The following RSAD2 variants were observed in gnomAD, a reference collection of about 807,000 sequenced individuals.
RSAD2 encodes radical S-adenosyl methionine domain containing 2.
In RSAD2, 38 loss-of-function variants were observed where a neutral mutation model predicts 37.7. That is an observed-to-expected ratio of 1.01 (90% CI 0.78 to 1.32). The LOEUF (loss-of-function observed/expected upper bound fraction) is 1.32. Ranked by LOEUF, RSAD2 falls within the 40% of genes most tolerant of loss-of-function variation. The probability of loss-of-function intolerance (pLI) is 0.00; values close to 1 mark genes in which losing one functional copy is unlikely to be tolerated. For synonymous variants in RSAD2, 163 were observed against 157.4 expected, an observed-to-expected ratio of 1.04 and a Z score of -0.27; for missense variants, 428 against 437.5, an observed-to-expected ratio of 0.98 and a Z score of 0.19.
At chr2:6,883,286 T>G in intron 1 of RSAD2, 85 bp from the exon 2 acceptor site, 1 of 1,447,276 alleles carries the variant, frequency 6.9e-7, no homozygotes. Context: ...ATTTCTTTTT[T>G]TTACATTGAG....
upstream of RSAD2, among the ~76,000 whole-genome samples, chr2:6,873,150 T>G (rs531438231): frequency 3.3e-5 from 5 of 152,186 alleles, no homozygotes; most frequent in Non-Finnish European, 7.4e-5. Flanking sequence ...CATGGCCTGA[T>G]GCTAAGATGT....
chr2:6,880,955 A>G lies in RSAD2; in HGVS notation c.347-2416A>G, dbSNP rs548759217. 5.3e-5 allele frequency among the ~76,000 whole-genome samples: 8 copies of G among 152,284 alleles called. No individual in the cohort carries two copies. In the South Asian group the frequency reaches 1.7e-3, roughly 32 times the overall value. ...GAAAGACTGAATAGAATTAAAAATA[A>G]TGAGCATCAGATCTGGGCTGTAATA... On this transcript the variant is annotated intron_variant, in intron 1 of 5. Transcript: ENST00000382040.
chr2:6,866,462 T>C, intron 1 of RSAD2: 7 of 985,716 alleles, frequency 7.1e-6, no homozygotes, highest in Non-Finnish European at 8.4e-6. Context: ...GGAATTGCCC[T>C]CTCCCTTTTG....
chr2:6,870,640 G>A (rs1462034814), intron 1 of RSAD2, among the ~76,000 whole-genome samples: 1 of 152,136 alleles, frequency 6.6e-6, no homozygotes. Context: ...ACTGCAAAGG[G>A]GAAATTTCCT....
chr2:6,888,072 G>A (rs1462931485), intron 3 of RSAD2, among the ~76,000 whole-genome samples: 1 of 152,218 alleles, frequency 6.6e-6, no homozygotes, highest in Non-Finnish European at 1.5e-5. Flanking sequence ...ATTTTCGTAG[G>A]TGGCAAAGAC....
At chr2:6,874,202 T>C (rs951674997), upstream of RSAD2, among the ~76,000 whole-genome samples, 1 of 152,124 alleles carries the variant, frequency 6.6e-6, no homozygotes, top group African/African-American at 2.4e-5. Context: ...CCTTCTGTCA[T>C]GATTTTAAGT....
At chr2:6,870,553 A>G (rs967846426) in intron 1 of RSAD2, among the ~76,000 whole-genome samples, 6 of 152,074 alleles carry the variant, frequency 3.9e-5, no homozygotes, top group African/African-American at 9.7e-5. Context: ...GGTCTCATCT[A>G]TTGGAACCTC....
At chr2:6,868,863 A>G (rs1663154149) in intron 1 of RSAD2, among the ~76,000 whole-genome samples, 4 of 152,194 alleles carry the variant, frequency 2.6e-5, no homozygotes, top group Non-Finnish European at 5.9e-5. Flanking sequence ...CTTTGGAAAG[A>G]TGACCCTCCA....
Position 6,878,135 on chromosome 2 carries a change from T to C in RSAD2, c.335T>C (p.Leu112Pro). 6.2e-7 allele frequency: 1 copy of C among 1,613,362 alleles called. No homozygotes were observed. Among genetic ancestry groups the C allele is most frequent in the Non-Finnish European group, 8.5e-7 (1 of 1,179,620 alleles). Residue 112 changes from leucine to proline, a missense_variant, in exon 1 of 6, where the codon CTT becomes CCT. Transcript: ENST00000382040. The part of the protein sequence containing the change: ...LEEAKRGLLL[L>P]KEAGMEKINF... ...GAAGCAAAGAGAGGATTGCTTTTGC[T>C]TAAGGAAGCTGGTGAGTACATGGTC... is the stretch of plus-strand genomic sequence containing the variant.
In RSAD2 at chr2:6,887,142, C is replaced by T; in HGVS notation, c.716C>T (p.Ala239Val). The change falls in exon 3 of 6, where the codon GCA (alanine) becomes GTA (valine). Residue 239 changes from alanine (A) to valine (V), a missense_variant. By Grantham distance (64) the Ala-to-Val change is moderately conservative. Coordinates refer to ENST00000382040, the MANE Select transcript of RSAD2 (RefSeq NM_080657.5). The part of the protein sequence containing the change: ...VEEDMTEQIK[A>V]LNPVRWKVFQ... ...GAGGACATGACGGAACAGATCAAAGCACTAAACCCTGTCCGCTGGAAAGTA... is the reference window on the plus strand; with the variant it reads ...GAGGACATGACGGAACAGATCAAAGTACTAAACCCTGTCCGCTGGAAAGTA... 1 of 1,613,792 alleles carries T rather than the reference C, an allele frequency of 6.2e-7. No homozygotes were observed. Among genetic ancestry groups the T allele is most frequent in the Non-Finnish European group, 8.5e-7 (1 of 1,179,698 alleles).
intron 1 of RSAD2, among the ~76,000 whole-genome samples, chr2:6,871,180 T>C (rs1366290576): frequency 2.0e-5 from 3 of 152,210 alleles, no homozygotes; most frequent in African/African-American, 7.2e-5. Flanking sequence ...ATTAGTGAAA[T>C]AGAAAGATTA....
upstream of RSAD2, among the ~76,000 whole-genome samples, chr2:6,873,884 T>C (rs1028928697): frequency 2.6e-5 from 4 of 152,214 alleles, no homozygotes; most frequent in Admixed American, 1.3e-4. Context: ...GTTACTAATA[T>C]GTGTTCCAAA....
At chr2:6,866,431 C>T (rs1291525374) in intron 1 of RSAD2, 4 of 985,510 alleles carry the variant, frequency 4.1e-6, no homozygotes, top group Non-Finnish European at 4.8e-6. Flanking sequence ...CTCACCTGTG[C>T]ACAAGCTTTT....
chr2:6,867,335 CCTT>C (rs1663117154), intron 1 of RSAD2, among the ~76,000 whole-genome samples: 1 of 152,208 alleles, frequency 6.6e-6, no homozygotes, highest in Non-Finnish European at 1.5e-5. Flanking sequence ...CAGACCGCCT[CCTT>C]CTCTCTGTGT....
intron 3 of RSAD2, among the ~76,000 whole-genome samples, chr2:6,888,238 C>T (rs1055392575): frequency 6.6e-6 from 1 of 152,158 alleles, no homozygotes; most frequent in Non-Finnish European, 1.5e-5. Flanking sequence ...TTTCCTGAAG[C>T]TGTCCTGTAA....
chr2:6,878,119 A>G lies in RSAD2; in HGVS notation c.319A>G (p.Arg107Gly). 6.2e-7 allele frequency: 1 copy of G among 1,614,066 alleles called. No individual in the cohort carries two copies. The highest frequency in any genetic ancestry group is 1.3e-5 in the African/African-American group (1 of 75,036). ...SFVLPLEEAK[R>G]GLLLLKEAGM... ...TGTGCTGCCCCTTGAGGAAGCAAAG[A>G]GAGGATTGCTTTTGCTTAAGGAAGC... is the stretch of plus-strand genomic sequence containing the variant. The change falls in exon 1 of 6, where the codon AGA (arginine) becomes GGA (glycine). Residue 107 changes from arginine (R) to glycine (G), a missense_variant. Arg to Gly is a moderately radical substitution (Grantham distance 125). Transcript: ENST00000382040.
intron 1 of RSAD2, among the ~76,000 whole-genome samples, chr2:6,867,935 T>A (rs2103233285): frequency 6.6e-6 from 1 of 152,316 alleles, no homozygotes. Context: ...TAAATAAAAA[T>A]TTCTGTTAGA....
intron 3 of RSAD2, 71 bp from the exon 4 acceptor site, chr2:6,890,105 G>T: frequency 1.4e-6 from 2 of 1,455,850 alleles, no homozygotes; most frequent in South Asian, 2.5e-5. Context: ...AGCTTGAAAA[G>T]GGGGAGTGAG....
chr2:6,893,827 G>C lies in RSAD2; in HGVS notation c.921+124G>C. 7.5e-6 allele frequency: 5 copies of C among 666,564 alleles called. No homozygotes were observed. In the South Asian group the frequency reaches 9.0e-5, roughly 12 times the overall value. 41.3% of individuals were successfully genotyped at this position (666,564 alleles called of 1,614,324 possible). ...TGTCCTTCTTAATTAGCACTTCACA[G>C]TTTGATAGTCAGTGATTATGATTAT... is the stretch of plus-strand genomic sequence containing the variant. On this transcript the variant is annotated intron_variant, in intron 5 of 5. Transcript: ENST00000382040.
Sources: gnomAD v4.1 joint callset for allele counts (sites outside exome capture counted in the v4.1 genomes callset) on GRCh38, gnomAD v4.1.1 for gene constraint, MANE v1.5 for transcripts, NCBI Gene and HGNC (gene_info 2026-07-23, HGNC 2026-07-21) for gene names.